RBFOX1: variants seen among roughly 807,000 people sequenced by gnomAD.
RBFOX1 encodes RNA binding fox-1 homolog 1, also known as RNA binding protein fox-1 homolog 1.
In RBFOX1, 8 loss-of-function variants were observed where a neutral mutation model predicts 57.7. That is an observed-to-expected ratio of 0.14 (90% CI 0.08 to 0.25). RBFOX1 has a LOEUF of 0.25. Ranked by LOEUF, RBFOX1 falls within the 10% of genes least tolerant of loss-of-function variation. The pLI is 1.00. For synonymous variants in RBFOX1, 326 were observed against 222.4 expected (o/e 1.47, Z -4.15); for missense variants, 611 against 548.5 (o/e 1.11, Z -1.14).
At chr16:6,879,048 G>T (rs190928786) in intron 3 of RBFOX1, among the ~76,000 whole-genome samples, 64 of 152,326 alleles carry the variant, frequency 4.2e-4, no homozygotes, top group African/African-American at 1.4e-3. Context: ...ACGTGTAGTA[G>T]TGTTTCAGCC....
intron 2 of RBFOX1, among the ~76,000 whole-genome samples, chr16:5,559,660 A>T (rs543659103): frequency 1.3e-5 from 2 of 152,062 alleles, no homozygotes; most frequent in Non-Finnish European, 2.9e-5. Context: ...TGCTCTATCA[A>T]TTTTCTCCTC....
chr16:6,781,916 G>C (rs958928063), intron 3 of RBFOX1, among the ~76,000 whole-genome samples: 1 of 151,990 alleles, frequency 6.6e-6, no homozygotes, highest in East Asian at 1.9e-4. Context: ...CTGATCTTTA[G>C]TGTTTCTTTT....
intron 1 of RBFOX1, among the ~76,000 whole-genome samples, chr16:6,255,600 C>T (rs2097656165): frequency 6.6e-6 from 1 of 152,076 alleles, no homozygotes; most frequent in Non-Finnish European, 1.5e-5. Flanking sequence ...GGTTAGCAAT[C>T]ATGTCAGTTT....
At chr16:6,754,861 C>G (rs11864470) in intron 3 of RBFOX1, among the ~76,000 whole-genome samples, 33,185 of 151,806 alleles carry the variant, frequency 0.22, 3,821 homozygotes, top group East Asian at 0.35. Context: ...CCTCTCCCCC[C>G]ACCCCACAAC....
rs118149930 is a variant in RBFOX1, at chr16:6,659,058, C to G, written c.-16+4408C>G. Reference sequence around the variant, plus strand: ...CTGTATGGCCTCACAAAACCCGATGCGTTTGACATTTACAGTACCTGTGTT... The same window carrying G: ...CTGTATGGCCTCACAAAACCCGATGGGTTTGACATTTACAGTACCTGTGTT... On this transcript the variant is annotated intron_variant, in intron 3 of 15. Coordinates refer to ENST00000550418, the MANE Select transcript of RBFOX1 (RefSeq NM_018723.4). 2.6e-5 allele frequency among the ~76,000 whole-genome samples: 4 copies of G among 151,736 alleles called. No homozygotes were observed. The East Asian group carries it at 5.8e-4, about 22-fold the overall frequency.
At chr16:6,116,141 C>G (rs1306029339) in intron 1 of RBFOX1, among the ~76,000 whole-genome samples, 2 of 152,038 alleles carry the variant, frequency 1.3e-5, no homozygotes, top group Admixed American at 6.6e-5. Flanking sequence ...AAGCTGGAAA[C>G]CATCATTCTC....
chr16:6,595,908 A>G (rs758950105), intron 2 of RBFOX1, among the ~76,000 whole-genome samples: 36 of 152,004 alleles, frequency 2.4e-4, no homozygotes, highest in Non-Finnish European at 4.0e-4. Flanking sequence ...AAATAGGGCT[A>G]TTTGTCTTTT....
chr16:7,026,337 A>G (rs1210406485), intron 3 of RBFOX1, among the ~76,000 whole-genome samples: 1 of 152,226 alleles, frequency 6.6e-6, no homozygotes, highest in East Asian at 1.9e-4. Flanking sequence ...TAACTCGGGT[A>G]TCCATGATGC....
chr16:6,388,600 C>T (rs2092429865), intron 2 of RBFOX1, among the ~76,000 whole-genome samples: 1 of 152,016 alleles, frequency 6.6e-6, no homozygotes, highest in African/African-American at 2.4e-5. Context: ...CCTGGCTGGG[C>T]ACAGTGGTTC....
chr16:6,674,409 C>G (rs181927010), intron 3 of RBFOX1, among the ~76,000 whole-genome samples: 1 of 151,992 alleles, frequency 6.6e-6, no homozygotes, highest in African/African-American at 2.4e-5. Flanking sequence ...TCAACCTCCG[C>G]CTCCTGGGTT....
At chr16:6,358,905 C>T (rs981783125) in intron 2 of RBFOX1, among the ~76,000 whole-genome samples, 2 of 152,106 alleles carry the variant, frequency 1.3e-5, no homozygotes, top group African/African-American at 2.4e-5. Flanking sequence ...ATATTGAGTT[C>T]GAAACATGAA....
At chr16:7,530,380 C>T (rs1465020265) in intron 5 of RBFOX1, among the ~76,000 whole-genome samples, 1 of 152,104 alleles carries the variant, frequency 6.6e-6, no homozygotes, top group African/African-American at 2.4e-5. Flanking sequence ...ATGACACTGC[C>T]TTTAGAAGCA....
At chr16:5,959,860 C>T (rs751996014) in intron 4 of RBFOX1, among the ~76,000 whole-genome samples, 1 of 152,122 alleles carries the variant, frequency 6.6e-6, no homozygotes, top group East Asian at 1.9e-4. Context: ...CTTTCTCTCT[C>T]TGCCCCTCTC....
intron 3 of RBFOX1, among the ~76,000 whole-genome samples, chr16:5,735,723 C>T (rs892930145): frequency 7.2e-5 from 11 of 151,974 alleles, no homozygotes; most frequent in Non-Finnish European, 1.6e-4. Context: ...ATGGTGAAAC[C>T]CTGTTTAGCC....
chr16:6,317,362 C>A (rs1030743401), intron 2 of RBFOX1, among the ~76,000 whole-genome samples: 3 of 151,776 alleles, frequency 2.0e-5, no homozygotes, highest in African/African-American at 7.3e-5. Context: ...TTTTCTCCCC[C>A]TAAGGTTTTC....
At chr16:6,162,144 G>A (rs2096884028) in intron 1 of RBFOX1, among the ~76,000 whole-genome samples, 1 of 152,174 alleles carries the variant, frequency 6.6e-6, no homozygotes. Flanking sequence ...TGGAGACTGG[G>A]CGTCACTCTG....
chr16:6,049,572 T>G (rs2095531223), intron 1 of RBFOX1, among the ~76,000 whole-genome samples: 2 of 151,266 alleles, frequency 1.3e-5, no homozygotes. Flanking sequence ...AAGAAGGTTT[T>G]TTTCCTAACA....
chr16:6,162,297 G>A (rs1407354378), intron 1 of RBFOX1, among the ~76,000 whole-genome samples: 2 of 152,066 alleles, frequency 1.3e-5, no homozygotes, highest in African/African-American at 2.4e-5. Context: ...TGTATTTTTA[G>A]TAGAGACGGG....
rs551347207 is a variant in RBFOX1 at position 7,080,030 on chromosome 16, A to G, written c.27+27932A>G. ...TATATATACATATATATACGTATAT[A>G]TGTATATAGATGTATATATATATAC... On this transcript the variant is annotated intron_variant, in intron 4 of 15. Coordinates refer to ENST00000550418, the MANE Select transcript of RBFOX1 (RefSeq NM_018723.4). 3.4e-5 allele frequency among the ~76,000 whole-genome samples: 3 copies of G among 88,746 alleles called. No individual in the cohort carries two copies. In the South Asian group the frequency reaches 1.8e-3, roughly 55 times the overall value. 58.2% of individuals were successfully genotyped at this position (88,746 alleles called of 152,430 possible).
Sources: allele counts gnomAD v4.1 joint callset (sites outside exome capture counted in the v4.1 genomes callset), GRCh38; gene constraint gnomAD v4.1.1; transcripts MANE v1.5; gene names NCBI Gene and HGNC (gene_info 2026-07-23, HGNC 2026-07-21).